STX18: variants seen among roughly 807,000 people sequenced by gnomAD.
The protein encoded by STX18 is syntaxin 18, also known as syntaxin-18.
STX18 carries 40 observed loss-of-function variants against 50.1 expected under a neutral mutation model. The ratio of observed to expected loss-of-function variants is 0.80; its 90% CI spans 0.62 to 1.04. The LOEUF (loss-of-function observed/expected upper bound fraction) is 1.04, where lower values mean the gene tolerates loss of function less well. Ranked by LOEUF, STX18 falls within the 50% of genes least tolerant of loss-of-function variation. STX18 has a pLI of 0.00. For synonymous variants in STX18, 158 were observed against 151.8 expected (o/e 1.04, Z -0.30); for missense variants, 410 against 415.8 (o/e 0.99, Z 0.12).
intron 7 of STX18, chr4:4,426,555 C>G (rs1725250003): frequency 1.3e-5 from 2 of 152,210 alleles, no homozygotes; most frequent in Admixed American, 1.3e-4. Context: ...AAATGAGTTG[C>G]AGGGTCTCCC....
chr4:4,478,008 T>C (rs1728273633), intron 1 of STX18: 1 of 152,000 alleles, frequency 6.6e-6, no homozygotes, highest in Non-Finnish European at 1.5e-5. Flanking sequence ...CTAGTAAACA[T>C]GGAAACAAAC....
intron 1 of STX18, among the ~76,000 whole-genome samples, chr4:4,485,979 G>C (rs78132292): frequency 6.6e-6 from 1 of 152,128 alleles, no homozygotes; most frequent in Non-Finnish European, 1.5e-5. Flanking sequence ...TTAGAAGTAC[G>C]AGTGGTGGAT....
Position 4,457,421 on chromosome 4 carries a change from A to G in STX18, c.430+2T>C. ...TTTGACCTTTAAAAGAAAATGAAATACTTTTCAAGTAATCTTCAATGAAAT... is the reference window on the plus strand; with the variant it reads ...TTTGACCTTTAAAAGAAAATGAAATGCTTTTCAAGTAATCTTCAATGAAAT... On this transcript the variant is annotated splice_donor_variant, in intron 4 of 10. Transcript: ENST00000306200. LOFTEE classifies it high-confidence loss of function. The G allele has an allele frequency of 1.2e-6, 2 of 1,611,812 alleles. No homozygotes were observed. The highest frequency in any genetic ancestry group is 1.7e-6 in the Non-Finnish European group (2 of 1,178,588).
At chr4:4,530,401 A>G (rs554066064) in intron 1 of STX18, among the ~76,000 whole-genome samples, 2 of 151,168 alleles carry the variant, frequency 1.3e-5, no homozygotes, top group Non-Finnish European at 3.0e-5. Flanking sequence ...ATAATAATAT[A>G]TAATTCTCAT....
chr4:4,460,090 C>T (rs1277302009), intron 2 of STX18, among the ~76,000 whole-genome samples: 4 of 152,104 alleles, frequency 2.6e-5, no homozygotes, highest in African/African-American at 9.7e-5. Context: ...TCCCTTCTTC[C>T]TTCCCCGTAA....
intron 2 of STX18, among the ~76,000 whole-genome samples, chr4:4,470,326 C>T (rs1480459809): frequency 6.6e-6 from 1 of 152,108 alleles, no homozygotes; most frequent in East Asian, 1.9e-4. Context: ...TTGGGAAAAA[C>T]AAAAATGTCT....
At chr4:4,424,289 C>T (rs1004583498) in intron 8 of STX18, among the ~76,000 whole-genome samples, 9 of 152,086 alleles carry the variant, frequency 5.9e-5, no homozygotes, top group African/African-American at 1.7e-4. Context: ...CACAAAGCAG[C>T]GACAGGAAGT....
chr4:4,483,475 C>T (rs1728554922), intron 1 of STX18, among the ~76,000 whole-genome samples: 1 of 152,212 alleles, frequency 6.6e-6, no homozygotes, highest in Non-Finnish European at 1.5e-5. Context: ...AACTTACTAA[C>T]TTCAATCTAA....
chr4:4,528,675 C>T (rs1260789988), intron 1 of STX18, among the ~76,000 whole-genome samples: 2 of 152,194 alleles, frequency 1.3e-5, no homozygotes, highest in African/African-American at 2.4e-5. Flanking sequence ...CGGATTGAGG[C>T]CCCCAGGTAC....
At chr4:4,459,819 C>A (rs897976164) in intron 2 of STX18, among the ~76,000 whole-genome samples, 1 of 152,160 alleles carries the variant, frequency 6.6e-6, no homozygotes, top group Non-Finnish European at 1.5e-5. Context: ...AGAACAATGG[C>A]GCAGCTACTG....
intron 5 of STX18, among the ~76,000 whole-genome samples, chr4:4,450,848 C>G (rs759510024): frequency 6.6e-6 from 1 of 152,214 alleles, no homozygotes; most frequent in Non-Finnish European, 1.5e-5. Context: ...AAGGGCTTCA[C>G]TGACTTTTAA....
At chr4:4,468,473 A>G (rs1180051949) in intron 2 of STX18, among the ~76,000 whole-genome samples, 2 of 152,108 alleles carry the variant, frequency 1.3e-5, no homozygotes, top group African/African-American at 4.8e-5. Context: ...AGAGACACAC[A>G]GACCTAGTAC....
intron 2 of STX18, among the ~76,000 whole-genome samples, chr4:4,467,343 C>T (rs376888966): frequency 3.3e-5 from 5 of 152,104 alleles, no homozygotes; most frequent in South Asian, 2.1e-4. Flanking sequence ...GTTTGGCCTA[C>T]GACTAGTAAT....
intron 6 of STX18, among the ~76,000 whole-genome samples, chr4:4,435,233 T>G (rs1725715041): frequency 6.6e-6 from 1 of 152,176 alleles, no homozygotes; most frequent in South Asian, 2.1e-4. Flanking sequence ...TGTCTACTTT[T>G]AAAGACTGTA....
chr4:4,522,511 G>A (rs1184003117), intron 1 of STX18, among the ~76,000 whole-genome samples: 1 of 152,194 alleles, frequency 6.6e-6, no homozygotes, highest in Non-Finnish European at 1.5e-5. Flanking sequence ...GGGAGGAGTT[G>A]AGAATATTGC....
chr4:4,540,035 G>C (rs959010214), intron 1 of STX18, among the ~76,000 whole-genome samples: 6 of 152,178 alleles, frequency 3.9e-5, no homozygotes, highest in Non-Finnish European at 2.9e-5. Context: ...ATCTCAAGAA[G>C]TGCTTGGGCC....
At chr4:4,451,018 C>A (rs1726716147) in intron 5 of STX18, among the ~76,000 whole-genome samples, 1 of 152,210 alleles carries the variant, frequency 6.6e-6, no homozygotes. Context: ...TAACTATATA[C>A]AGAATGTCTA....
chr4:4,537,685 G>A (rs548569406), intron 1 of STX18, among the ~76,000 whole-genome samples: 2 of 152,282 alleles, frequency 1.3e-5, no homozygotes, highest in African/African-American at 4.8e-5. Flanking sequence ...GACTCATGTA[G>A]GCACCTGCAT....
chr4:4,525,020 A>T (rs746424869), intron 1 of STX18, among the ~76,000 whole-genome samples: 1 of 152,202 alleles, frequency 6.6e-6, no homozygotes, highest in Non-Finnish European at 1.5e-5. Flanking sequence ...GAGATTCCAG[A>T]TGTGGAAGGA....
Sources: allele counts gnomAD v4.1 joint callset (sites outside exome capture counted in the v4.1 genomes callset), GRCh38; gene constraint gnomAD v4.1.1; transcripts MANE v1.5; gene names NCBI Gene and HGNC (gene_info 2026-07-23, HGNC 2026-07-21).